The following MET variants were observed in gnomAD, a reference collection of about 807,000 sequenced individuals.
MET encodes the protein hepatocyte growth factor receptor.
A neutral mutation model predicts 133.1 loss-of-function variants in MET; 48 were observed. That is an observed-to-expected ratio of 0.36 (90% CI 0.29 to 0.46). MET has a LOEUF of 0.46. Ranked by LOEUF, MET falls within the 20% of genes least tolerant of loss-of-function variation. MET has a pLI of 1.00. For missense variants in MET, 1,442 were observed against 1,695.9 expected, an observed-to-expected ratio of 0.85 and a Z score of 2.63; for synonymous variants, 628 against 616.5, an observed-to-expected ratio of 1.02 and a Z score of -0.28.
At chr7:116,710,903 C>A (rs1791971488) in intron 2 of MET, among the ~76,000 whole-genome samples, 1 of 152,074 alleles carries the variant, frequency 6.6e-6, no homozygotes. Context: ...TTTGTGTGAT[C>A]TTTAGATATG....
At chr7:116,678,244 G>A (rs1322940581) in intron 1 of MET, among the ~76,000 whole-genome samples, 1 of 152,056 alleles carries the variant, frequency 6.6e-6, no homozygotes, top group Non-Finnish European at 1.5e-5. Flanking sequence ...TGTTAGAAAG[G>A]GAGATTATGT....
intron 18 of MET, among the ~76,000 whole-genome samples, chr7:116,783,055 G>C (rs1795200476): frequency 6.6e-6 from 1 of 152,206 alleles, no homozygotes; most frequent in Non-Finnish European, 1.5e-5. Context: ...AAAGCAAAAA[G>C]GACTTTCTTA....
Position 116,797,168 on chromosome 7 carries a change from T to C in MET, c.*1044T>C, listed in dbSNP as rs1795703181. The C allele has an allele frequency of 4.9e-6, 1 of 202,662 alleles. No homozygotes were observed. The highest frequency in any genetic ancestry group is 2.3e-5 in the African/African-American group (1 of 43,692). The allele number at this position is 202,662 out of a possible 1,614,324, so 12.6% of individuals were successfully genotyped here. A position where few individuals can be genotyped will look rare whatever the true frequency, so the allele number is the denominator to read the frequency against. ...AATGTGAACATGTAGATGTTTTGTGTGTATTTTTTTAAATGAAAACTCAAA... is the reference window on the plus strand; with the variant it reads ...AATGTGAACATGTAGATGTTTTGTGCGTATTTTTTTAAATGAAAACTCAAA... On this transcript the variant is annotated 3_prime_UTR_variant, in exon 21 of 21. Transcript: ENST00000397752.
In MET at chr7:116,771,641, A is replaced by G. The variant is rs1452848504; in HGVS notation, c.2874A>G (p.Arg958=). 1 of 1,613,830 alleles carries G rather than the reference A, an allele frequency of 6.2e-7. No homozygotes were observed. The highest frequency in any genetic ancestry group is 8.5e-7 in the Non-Finnish European group (1 of 1,179,802). ...LLGFFLWLKK[R]KQIKDLGSEL... Reference sequence around the variant, plus strand: ...GGTTTTTCCTGTGGCTGAAAAAGAGAAAGCAAATTAAAGGTGCATTTTTGT... The same window carrying G: ...GGTTTTTCCTGTGGCTGAAAAAGAGGAAGCAAATTAAAGGTGCATTTTTGT... The change falls in exon 13 of 21, where the codon AGA becomes AGG. Residue 958 remains arginine (R), a synonymous_variant. Coordinates refer to ENST00000397752, the MANE Select transcript of MET (RefSeq NM_000245.4).
chr7:116,778,222 T>C (rs984310200), intron 16 of MET, among the ~76,000 whole-genome samples: 10 of 152,222 alleles, frequency 6.6e-5, no homozygotes, highest in Admixed American at 2.6e-4. Context: ...TCCGCCTGTG[T>C]TGACAGGTCT....
At chr7:116,726,178 T>TATATATATAC (rs1562900129) in intron 2 of MET, among the ~76,000 whole-genome samples, 4 of 3,592 alleles carry the variant, frequency 1.1e-3, no homozygotes, top group Admixed American at 3.1e-3. Flanking sequence ...TATATATATA[T>TATATATATAC]GGGATATAAA....
In MET at chr7:116,692,205, C is replaced by T. The variant is rs560798338; in HGVS notation, c.-14-6866C>T. 7.4e-4 allele frequency among the ~76,000 whole-genome samples: 112 copies of T among 152,104 alleles called. 1 individual carries two copies. Among genetic ancestry groups the T allele is most frequent in the Non-Finnish European group, 1.2e-3 (81 of 68,012 alleles). On this transcript the variant is annotated intron_variant, in intron 1 of 20. Transcript: ENST00000397752. ...ACCTCAGTTTTGTCATCTGGAAACA[C>T]AGGATAATGCTTACCTTATAAGGTA... is the stretch of plus-strand genomic sequence containing the variant.
At chr7:116,690,934 T>C (rs192907924) in intron 1 of MET, among the ~76,000 whole-genome samples, 7 of 152,352 alleles carry the variant, frequency 4.6e-5, no homozygotes, top group Non-Finnish European at 8.8e-5. Context: ...TAAATGTCAT[T>C]AGGAATCTTC....
intron 3 of MET, among the ~76,000 whole-genome samples, chr7:116,732,540 G>T (rs1319450660): frequency 2.0e-5 from 3 of 152,150 alleles, no homozygotes; most frequent in Non-Finnish European, 4.4e-5. Context: ...GGTTTTTGCT[G>T]TTTTGTAGTT....
intron 3 of MET, among the ~76,000 whole-genome samples, chr7:116,732,362 A>T (rs1166537321): frequency 1.3e-5 from 2 of 152,194 alleles, no homozygotes; most frequent in African/African-American, 4.8e-5. Context: ...GTAGGGTTGG[A>T]TGCAAATAAG....
chr7:116,790,814 C>T (rs953142424), intron 19 of MET, among the ~76,000 whole-genome samples: 9 of 152,098 alleles, frequency 5.9e-5, no homozygotes, highest in South Asian at 4.1e-4. Flanking sequence ...AGGTGGCTCA[C>T]GCCTGTAATC....
At chr7:116,699,049 C>G (rs774186517) in intron 1 of MET, 22 bp from the exon 2 acceptor site, 1 of 1,613,518 alleles carries the variant, frequency 6.2e-7, no homozygotes, top group Non-Finnish European at 8.5e-7. Context: ...GAACTGCTCT[C>G]GCCTTGAACC....
intron 8 of MET, among the ~76,000 whole-genome samples, chr7:116,758,208 A>T (rs1218090193): frequency 1.3e-5 from 2 of 152,174 alleles, no homozygotes; most frequent in African/African-American, 2.4e-5. Context: ...GCTCAGTTTA[A>T]TCAAGTACCA....
chr7:116,683,747 C>T (rs758889512), intron 1 of MET, among the ~76,000 whole-genome samples: 28 of 152,150 alleles, frequency 1.8e-4, no homozygotes, highest in Non-Finnish European at 3.8e-4. Flanking sequence ...CCTTTTGACC[C>T]GTCTGTAGAA....
chr7:116,691,524 A>T (rs1796778339), intron 1 of MET, among the ~76,000 whole-genome samples: 1 of 152,176 alleles, frequency 6.6e-6, no homozygotes, highest in Non-Finnish European at 1.5e-5. Flanking sequence ...AAACTTATTT[A>T]AAAAAAGAAA....
rs747447086 is a variant in MET, at chr7:116,731,876, A to G, written c.1392+17A>G. 2.0e-5 allele frequency: 32 copies of G among 1,612,728 alleles called. No individual in the cohort carries two copies. The highest frequency in any genetic ancestry group is 1.8e-4 in the Admixed American group (11 of 59,966). ...TTCATGCAGGTAAGTGCTTTCTGAGAGTAGCTGTGTCTGTTCTATCTGGTA... is the reference window on the plus strand; with the variant it reads ...TTCATGCAGGTAAGTGCTTTCTGAGGGTAGCTGTGTCTGTTCTATCTGGTA... On this transcript the variant is annotated intron_variant, in intron 3 of 20. Transcript: ENST00000397752.
At chr7:116,728,103 T>A (rs1317528549) in intron 2 of MET, among the ~76,000 whole-genome samples, 1 of 152,178 alleles carries the variant, frequency 6.6e-6, no homozygotes, top group East Asian at 1.9e-4. Flanking sequence ...TAGAGGCTAG[T>A]GCCTCAACAC....
intron 2 of MET, among the ~76,000 whole-genome samples, chr7:116,726,155 A>ACACACAC (rs1792761914): frequency 8.6e-6 from 1 of 116,466 alleles, no homozygotes; most frequent in African/African-American, 3.2e-5. Flanking sequence ...ATATATATAT[A>ACACACAC]TATATATATA....
At chr7:116,755,645 C>CT in intron 6 of MET, 130 bp downstream of exon 6, 1 of 1,111,506 alleles carries the variant, frequency 9.0e-7, no homozygotes, top group Non-Finnish European at 1.3e-6. Flanking sequence ...TGTCACATGC[C>CT]TTGTGGGTCT....
Sources: gnomAD v4.1 joint callset for allele counts (sites outside exome capture counted in the v4.1 genomes callset) on GRCh38, gnomAD v4.1.1 for gene constraint, MANE v1.5 for transcripts, NCBI Gene and HGNC (gene_info 2026-07-23, HGNC 2026-07-21) for gene names.